NLRP3: variants seen among roughly 807,000 people sequenced by gnomAD.
NLRP3 encodes NACHT, LRR and PYD domains-containing protein 3.
A neutral mutation model predicts 91.3 loss-of-function variants in NLRP3; 48 were observed. That is an observed-to-expected ratio of 0.53 (90% CI 0.42 to 0.67). NLRP3 has a LOEUF of 0.67. Among genes scored for constraint, NLRP3 ranks in the 30% least tolerant of loss-of-function variants. The pLI is 0.00. For missense variants in NLRP3, 982 were observed against 1,276.9 expected (o/e 0.77, Z 3.52); for synonymous variants, 561 against 507.9 (o/e 1.10, Z -1.41).
chr1:247,432,399 C>T (rs1159499116), intron 5 of NLRP3, among the ~76,000 whole-genome samples: 1 of 152,168 alleles, frequency 6.6e-6, no homozygotes, highest in Non-Finnish European at 1.5e-5. Context: ...GCCTCCAGTT[C>T]CATCTGTGTG....
chr1:247,432,532 G>A (rs994693256), intron 5 of NLRP3, among the ~76,000 whole-genome samples: 12 of 152,180 alleles, frequency 7.9e-5, no homozygotes, highest in Admixed American at 2.6e-4. Context: ...GAGACTGGTT[G>A]TTTGGGACAT....
intron 7 of NLRP3, among the ~76,000 whole-genome samples, chr1:247,442,334 A>T (rs759914542): frequency 6.6e-6 from 1 of 152,172 alleles, no homozygotes; most frequent in Non-Finnish European, 1.5e-5. Context: ...TGCCATTGCC[A>T]AGGACTCTGG....
rs779964997 is a variant in NLRP3, at chr1:247,444,640, C to T, written c.2835-11C>T. 6.2e-7 allele frequency: 1 copy of T among 1,613,890 alleles called. No individual in the cohort carries two copies. Among genetic ancestry groups the T allele is most frequent in the Non-Finnish European group, 8.5e-7 (1 of 1,179,988 alleles). ...AGGGGACATTTTCTTTAAATCACCC[C>T]CTTTTTGCAGATTAGACAACTGCAA... On this transcript the variant is annotated splice_polypyrimidine_tract_variant and intron_variant, in intron 8 of 9. Coordinates refer to ENST00000336119, the MANE Select transcript of NLRP3 (RefSeq NM_001243133.2).
At position 247,425,482 on chromosome 1, in the gene NLRP3, C is replaced by T. The variant is rs1662804703; in HGVS notation, c.2033C>T (p.Ser678Phe). Residue 678 changes from serine (S) to phenylalanine (F), a missense_variant, in exon 4 of 10, where the codon TCC becomes TTC. Around this residue, in one of 5 missense-constraint regions of NLRP3, gnomAD observed 373 missense variants for 431.5 expected, o/e 0.86. Coordinates refer to ENST00000336119, the MANE Select transcript of NLRP3 (RefSeq NM_001243133.2). The surrounding 1 kb of genome is among the most constrained non-coding windows in gnomAD (Gnocchi z 4.1). ...AACTGTCATCGGGTGGAGTCACTGT[C>T]CCTGGGGTTTCTCCATAACATGCCC... Reference protein sequence around the residue: ...IENCHRVESLSLGFLHNMPKE... With the variant: ...IENCHRVESLFLGFLHNMPKE... The T allele has an allele frequency of 6.2e-7, 1 of 1,614,160 alleles. No homozygotes were observed. The highest frequency in any genetic ancestry group is 2.2e-5 in the East Asian group (1 of 44,874).
At chr1:247,447,347 C>A (rs968872110) in intron 9 of NLRP3, among the ~76,000 whole-genome samples, 8 of 152,140 alleles carry the variant, frequency 5.3e-5, no homozygotes, top group Admixed American at 3.3e-4. Context: ...AGGGCACTCA[C>A]CCCATACTGA....
At chr1:247,443,600 AG>A (rs1558209156) in intron 7 of NLRP3, among the ~76,000 whole-genome samples, 2 of 148,998 alleles carry the variant, frequency 1.3e-5, no homozygotes, top group African/African-American at 4.9e-5. Flanking sequence ...GGGTGTCTGC[AG>A]TGTTACGGGG....
At chr1:247,431,935 G>A (rs1663363020) in intron 5 of NLRP3, among the ~76,000 whole-genome samples, 1 of 152,066 alleles carries the variant, frequency 6.6e-6, no homozygotes, top group Non-Finnish European at 1.5e-5. Flanking sequence ...CTCTCGCCGT[G>A]TTGCCCAGGC....
rs760112424 is a variant in NLRP3 at position 247,434,253 on chromosome 1, G to T, written c.2472G>T (p.Leu824Phe). Residue 824 changes from leucine (L) to phenylalanine (F), a missense_variant, in exon 6 of 10, where the codon TTG (leucine) becomes TTT (phenylalanine). Physicochemically the swap from Leu to Phe is conservative, Grantham distance 22. Coordinates refer to ENST00000336119, the MANE Select transcript of NLRP3 (RefSeq NM_001243133.2). ...TGTGTGTGGGACTGAAGCACCTGTT[G>T]TGCAATCTGAAGAAGCTCTGGTGAG... The part of the protein sequence containing the change: ...RLLCVGLKHL[L>F]CNLKKLWLVS... 1.9e-6 allele frequency: 3 copies of T among 1,614,252 alleles called. No individual in the cohort carries two copies. Among genetic ancestry groups the T allele is most frequent in the Non-Finnish European group, 2.5e-6 (3 of 1,180,042 alleles).
At position 247,435,349 on chromosome 1, in the gene NLRP3, C is replaced by T. The variant is rs541775960; in HGVS notation, c.2493-621C>T. Reference sequence around the variant, plus strand: ...GTGGAAATAACCAAACGTCCTTCAACGGATGAAGGGTGTTGAAAAGTGCTA... The same window carrying T: ...GTGGAAATAACCAAACGTCCTTCAATGGATGAAGGGTGTTGAAAAGTGCTA... On this transcript the variant is annotated intron_variant, in intron 6 of 9. Coordinates refer to ENST00000336119, the MANE Select transcript of NLRP3 (RefSeq NM_001243133.2). Among the ~76,000 whole-genome samples, 16 of 152,196 alleles carry T rather than the reference C, an allele frequency of 1.1e-4. 1 individual carries two copies. The South Asian group carries it at 1.9e-3, about 18-fold the overall frequency.
intron 2 of NLRP3, among the ~76,000 whole-genome samples, chr1:247,422,699 G>T (rs1035481586): frequency 6.6e-6 from 1 of 152,170 alleles, no homozygotes; most frequent in Non-Finnish European, 1.5e-5. Context: ...AGTCAGCCAG[G>T]ATTCCCAACC....
intron 7 of NLRP3, among the ~76,000 whole-genome samples, chr1:247,443,243 T>G (rs1664350597): frequency 6.6e-6 from 1 of 152,100 alleles, no homozygotes; most frequent in Non-Finnish European, 1.5e-5. Flanking sequence ...ATTTATTTAT[T>G]TATTTAGGCA....
chr1:247,426,154 T>G (rs897069714), intron 4 of NLRP3, among the ~76,000 whole-genome samples: 1 of 152,042 alleles, frequency 6.6e-6, no homozygotes, highest in Non-Finnish European at 1.5e-5. Flanking sequence ...TGAGAAAAAG[T>G]GTGTGCAGGT....
chr1:247,423,199 T>C (rs776842331), intron 2 of NLRP3, 31 bp from the exon 3 acceptor site: 11 of 1,613,692 alleles, frequency 6.8e-6, no homozygotes, highest in Non-Finnish European at 8.5e-6. Context: ...ATAATAGTTC[T>C]GGGTTTTGAC....
intron 5 of NLRP3, among the ~76,000 whole-genome samples, chr1:247,431,844 AG>A (rs1663356028): frequency 6.6e-6 from 1 of 152,160 alleles, no homozygotes. Context: ...GCGCAAGAGC[AG>A]CTTTGTTTCA....
At chr1:247,436,861 T>G (rs115472362) in intron 7 of NLRP3, among the ~76,000 whole-genome samples, 333 of 152,382 alleles carry the variant, frequency 2.2e-3, no homozygotes, top group African/African-American at 6.9e-3. Context: ...ACCACTTTCC[T>G]GTATCACTTT....
At chr1:247,435,468 G>A (rs565441136) in intron 6 of NLRP3, among the ~76,000 whole-genome samples, 13 of 152,292 alleles carry the variant, frequency 8.5e-5, no homozygotes, top group Middle Eastern at 3.4e-3. Flanking sequence ...AGCTAGACTC[G>A]AAAGGGCAAA....
chr1:247,438,378 G>GTTTTTTTTTTTT (rs74163772), intron 7 of NLRP3, among the ~76,000 whole-genome samples: 2 of 71,910 alleles, frequency 2.8e-5, no homozygotes, highest in Admixed American at 1.8e-4. Context: ...GTTTAGTTGT[G>GTTTTTTTTTTTT]TTTTTTTTTT....
intron 5 of NLRP3, among the ~76,000 whole-genome samples, chr1:247,430,965 C>T (rs1321228051): frequency 6.6e-6 from 1 of 151,716 alleles, no homozygotes; most frequent in Non-Finnish European, 1.5e-5. Context: ...GATGTGGTCT[C>T]ATCACGTTGC....
chr1:247,437,606 G>T (rs1442398659), intron 7 of NLRP3, among the ~76,000 whole-genome samples: 1 of 152,194 alleles, frequency 6.6e-6, no homozygotes, highest in Non-Finnish European at 1.5e-5. Context: ...ACATGATTTT[G>T]TCCCTTCATT....
Sources: allele counts gnomAD v4.1 joint callset (sites outside exome capture counted in the v4.1 genomes callset), GRCh38; gene constraint gnomAD v4.1.1; regional missense constraint gnomAD v4.1.1; non-coding constraint Gnocchi (gnomAD v3.1); transcripts MANE v1.5; gene names NCBI Gene and HGNC (gene_info 2026-07-23, HGNC 2026-07-21).